ATG10: variants seen among roughly 807,000 people sequenced by gnomAD.
ATG10 encodes autophagy related 10, also known as ubiquitin-like-conjugating enzyme ATG10.
In ATG10, 30 loss-of-function variants were observed where a neutral mutation model predicts 32.1. The observed-to-expected ratio is 0.94, with a 90% CI of 0.70 to 1.27. ATG10 has a LOEUF of 1.27. ATG10 is among the 50% of genes most tolerant of loss of function. The pLI is 0.00. For synonymous variants in ATG10, 87 were observed against 91.5 expected, an observed-to-expected ratio of 0.95 and a Z score of 0.28; for missense variants, 233 against 262.3, an observed-to-expected ratio of 0.89 and a Z score of 0.77.
intron 4 of ATG10, among the ~76,000 whole-genome samples, chr5:82,172,114 G>A (rs1262849153): frequency 1.3e-5 from 2 of 152,168 alleles, no homozygotes; most frequent in Non-Finnish European, 2.9e-5. Flanking sequence ...GGGTGAGCCA[G>A]GCTTGGGAAG....
intron 5 of ATG10, among the ~76,000 whole-genome samples, chr5:82,199,000 C>T (rs1744965369): frequency 6.6e-6 from 1 of 152,152 alleles, no homozygotes; most frequent in South Asian, 2.1e-4. Flanking sequence ...CAGTTAAAAG[C>T]AGGCAGCTTC....
chr5:82,049,082 T>C (rs1409763153), intron 2 of ATG10, among the ~76,000 whole-genome samples: 1 of 151,520 alleles, frequency 6.6e-6, no homozygotes, highest in African/African-American at 2.4e-5. Context: ...CATGCTGCTA[T>C]AAAGACACAT....
intron 2 of ATG10, among the ~76,000 whole-genome samples, chr5:82,001,168 G>T (rs1761836478): frequency 6.6e-6 from 1 of 152,120 alleles, no homozygotes; most frequent in African/African-American, 2.4e-5. Flanking sequence ...CCATGCTCAT[G>T]GATAGGAAGA....
intron 3 of ATG10, among the ~76,000 whole-genome samples, chr5:82,124,329 T>C (rs1486991316): frequency 1.3e-5 from 2 of 151,406 alleles, no homozygotes; most frequent in Admixed American, 6.6e-5. Context: ...ATTTAAGTTC[T>C]GGGATACATG....
At chr5:82,178,901 C>G (rs1246885342) in intron 5 of ATG10, among the ~76,000 whole-genome samples, 1 of 152,054 alleles carries the variant, frequency 6.6e-6, no homozygotes, top group East Asian at 1.9e-4. Flanking sequence ...CCTTGACTTA[C>G]AATGGGAATA....
At chr5:82,236,436 A>G (rs1746554236) in intron 5 of ATG10, among the ~76,000 whole-genome samples, 1 of 152,220 alleles carries the variant, frequency 6.6e-6, no homozygotes, top group Non-Finnish European at 1.5e-5. Flanking sequence ...TATAGACTCT[A>G]TAAATATATT....
intron 5 of ATG10, among the ~76,000 whole-genome samples, chr5:82,250,630 A>C (rs766624598): frequency 1.1e-4 from 17 of 152,082 alleles, no homozygotes; most frequent in Non-Finnish European, 2.4e-4. Flanking sequence ...ATCCCTCCAG[A>C]ATCATGTTAC....
chr5:82,104,673 T>C (rs746390643), intron 3 of ATG10, among the ~76,000 whole-genome samples: 4 of 151,992 alleles, frequency 2.6e-5, no homozygotes, highest in Non-Finnish European at 5.9e-5. Flanking sequence ...AACTCAATAG[T>C]TTTTTCTTAA....
intron 3 of ATG10, among the ~76,000 whole-genome samples, chr5:82,090,199 G>T (rs1015330916): frequency 6.6e-5 from 10 of 152,048 alleles, no homozygotes; most frequent in African/African-American, 2.4e-4. Context: ...AAAACAATTT[G>T]GCTGTTTTTT....
At chr5:82,084,548 A>C (rs2149786074) in intron 3 of ATG10, among the ~76,000 whole-genome samples, 1 of 152,320 alleles carries the variant, frequency 6.6e-6, no homozygotes, top group South Asian at 2.1e-4. Context: ...ACCAAAGTTG[A>C]AATGAAGGAA....
intron 2 of ATG10, among the ~76,000 whole-genome samples, chr5:82,055,933 G>A (rs960484443): frequency 6.6e-6 from 1 of 152,074 alleles, no homozygotes; most frequent in Non-Finnish European, 1.5e-5. Context: ...ATGCTGTACA[G>A]GTTTGCAGCC....
chr5:81,995,651 T>G lies in ATG10; in HGVS notation c.108+7973T>G, dbSNP rs117975994. Among the ~76,000 whole-genome samples, 442 of 152,222 alleles carry G rather than the reference T, an allele frequency of 2.9e-3. 11 individuals are homozygous for G. The East Asian group carries it at 0.076, about 26-fold the overall frequency. ...AAAAGGGGGAAAATGTGCTAAAGTA[T>G]TCACATAATTATATAAACACTAAAG... On this transcript the variant is annotated intron_variant, in intron 2 of 7. Transcript: ENST00000282185.
At chr5:82,187,104 T>A (rs1744476165) in intron 5 of ATG10, among the ~76,000 whole-genome samples, 1 of 151,278 alleles carries the variant, frequency 6.6e-6, no homozygotes, top group Non-Finnish European at 1.5e-5. Flanking sequence ...GCCTAGGAGT[T>A]TGAGGCTAGC....
Position 82,254,867 on chromosome 5 carries a change from T to A in ATG10, c.*804T>A, listed in dbSNP as rs997343219. On this transcript the variant is annotated 3_prime_UTR_variant, in exon 8 of 8. Coordinates refer to ENST00000282185, the MANE Select transcript of ATG10 (RefSeq NM_031482.5). ...TCAGGAACAATAGATTATTTCTGTT[T>A]TACTCCAAAAGAGAGAGAGAGAGTG... 10 of 150,352 alleles carry A rather than the reference T, an allele frequency of 6.7e-5. No individual in the cohort carries two copies. The highest frequency in any genetic ancestry group is 2.0e-4 in the Admixed American group (3 of 14,976). 9.3% of individuals were successfully genotyped at this position (150,352 alleles called of 1,614,324 possible).
chr5:82,168,232 CA>C (rs901159890), intron 4 of ATG10, among the ~76,000 whole-genome samples: 14 of 152,266 alleles, frequency 9.2e-5, no homozygotes, highest in African/African-American at 3.4e-4. Context: ...AAGCTAGTGG[CA>C]AATGTTACAA....
intron 3 of ATG10, among the ~76,000 whole-genome samples, chr5:82,070,859 G>C (rs1764108990): frequency 6.6e-6 from 1 of 151,714 alleles, no homozygotes; most frequent in Non-Finnish European, 1.5e-5. Flanking sequence ...TTTTCTTTTG[G>C]CTTCTACCAA....
At chr5:82,042,222 G>A (rs1463234352) in intron 2 of ATG10, among the ~76,000 whole-genome samples, 1 of 152,142 alleles carries the variant, frequency 6.6e-6, no homozygotes, top group Non-Finnish European at 1.5e-5. Flanking sequence ...GGGGAAGCAT[G>A]CACATCTTCA....
chr5:82,248,048 G>A (rs1042810855), intron 5 of ATG10, among the ~76,000 whole-genome samples: 7 of 152,128 alleles, frequency 4.6e-5, no homozygotes, highest in Non-Finnish European at 1.5e-5. Flanking sequence ...GGATGTGTAC[G>A]TGGATTGGGA....
intron 3 of ATG10, among the ~76,000 whole-genome samples, chr5:82,114,390 G>T (rs961018254): frequency 6.6e-6 from 1 of 151,996 alleles, no homozygotes; most frequent in Non-Finnish European, 1.5e-5. Flanking sequence ...CTTCTCTACT[G>T]TGAGGAACAC....
Sources: gnomAD v4.1 joint callset for allele counts (sites outside exome capture counted in the v4.1 genomes callset) on GRCh38, gnomAD v4.1.1 for gene constraint, MANE v1.5 for transcripts, NCBI Gene and HGNC (gene_info 2026-07-23, HGNC 2026-07-21) for gene names.